The following DOCK1 variants were observed in gnomAD, a reference collection of about 807,000 sequenced individuals.
DOCK1 encodes dedicator of cytokinesis 1, also known as dedicator of cytokinesis protein 1.
Under a neutral mutation model 262.7 loss-of-function variants are expected in DOCK1, and 138 were observed. The ratio of observed to expected loss-of-function variants is 0.53; its 90% CI spans 0.46 to 0.61. DOCK1 has a LOEUF of 0.61. Ranked by LOEUF, DOCK1 falls within the 20% of genes least tolerant of loss-of-function variation. DOCK1 has a pLI of 0.00. For synonymous variants in DOCK1, 866 were observed against 867.4 expected (o/e 1.00, Z 0.03); for missense variants, 1,908 against 2,370.7 (o/e 0.80, Z 4.05).
intron 29 of DOCK1, among the ~76,000 whole-genome samples, chr10:127,299,209 G>C (rs940587716): frequency 6.6e-6 from 1 of 152,056 alleles, no homozygotes; most frequent in African/African-American, 2.4e-5. Context: ...AGTGATTCTC[G>C]TGCCTCAGCC....
chr10:127,079,728 C>G (rs12254152), intron 23 of DOCK1, among the ~76,000 whole-genome samples: 1 of 152,120 alleles, frequency 6.6e-6, no homozygotes, highest in Non-Finnish European at 1.5e-5. Context: ...GTCAGGAGTT[C>G]GAGATCAGCC....
rs77240157 is a variant in DOCK1, at chr10:127,349,238, G to A, written c.3225-5431G>A. Among the ~76,000 whole-genome samples the A allele has an allele frequency of 7.7e-3, 1,175 of 151,912 alleles. 22 individuals carry two copies. The highest frequency in any genetic ancestry group is 0.026 in the African/African-American group (1,078 of 41,386). On this transcript the variant is annotated intron_variant, in intron 31 of 51. Transcript: ENST00000623213. Reference sequence around the variant, plus strand: ...CCACCCACTCCGATGCTGGCTCTGGGCACTGCATTGCCCCAGAACCTCAGC... The same window carrying A: ...CCACCCACTCCGATGCTGGCTCTGGACACTGCATTGCCCCAGAACCTCAGC...
intron 32 of DOCK1, among the ~76,000 whole-genome samples, chr10:127,361,625 CAA>C (rs1184933226): frequency 2.0e-5 from 3 of 152,126 alleles, no homozygotes; most frequent in Non-Finnish European, 4.4e-5. Context: ...AAAGAGGACT[CAA>C]GAGACTATCT....
At chr10:127,293,516 C>T (rs564576610) in intron 29 of DOCK1, among the ~76,000 whole-genome samples, 19 of 152,294 alleles carry the variant, frequency 1.2e-4, no homozygotes, top group Non-Finnish European at 1.8e-4. Flanking sequence ...CCCTTCCCAG[C>T]GAGCACTGTG....
At chr10:127,122,648 ATCT>A (rs892623756) in intron 25 of DOCK1, among the ~76,000 whole-genome samples, 16 of 140,536 alleles carry the variant, frequency 1.1e-4, no homozygotes, top group Non-Finnish European at 4.7e-5. Context: ...TTTTTTTTAC[ATCT>A]TCTTGGGGGC....
At chr10:127,156,986 T>G (rs556979783) in intron 27 of DOCK1, among the ~76,000 whole-genome samples, 1 of 152,202 alleles carries the variant, frequency 6.6e-6, no homozygotes, top group Non-Finnish European at 1.5e-5. Context: ...ATACTAAGTG[T>G]GAAACATTTT....
At position 127,175,834 on chromosome 10, in the gene DOCK1, A is replaced by G; in HGVS notation, c.2847+48070A>G. 4 of 1,614,024 alleles carry G rather than the reference A, an allele frequency of 2.5e-6. No individual in the cohort carries two copies. Among genetic ancestry groups the G allele is most frequent in the Non-Finnish European group, 3.4e-6 (4 of 1,179,984 alleles). ...CAGGGCTCTGTGCAGTTGACCCCCA[A>G]AGGCTGGTCCACTGTGTTCATGTGT... is the stretch of plus-strand genomic sequence containing the variant. On this transcript the variant is annotated intron_variant, in intron 27 of 51. Coordinates refer to ENST00000623213, the MANE Select transcript of DOCK1 (RefSeq NM_001290223.2). This position sits in a 1 kb window ranked among gnomAD's most constrained non-coding sequence, Gnocchi z 6.3.
chr10:127,297,029 C>T (rs1368421710), intron 29 of DOCK1, among the ~76,000 whole-genome samples: 4 of 152,044 alleles, frequency 2.6e-5, no homozygotes, highest in East Asian at 1.9e-4. Context: ...CAGCACAGAG[C>T]GTGGGGCAGC....
chr10:127,064,786 C>G (rs1016337227), intron 23 of DOCK1, among the ~76,000 whole-genome samples: 9 of 152,210 alleles, frequency 5.9e-5, no homozygotes, highest in African/African-American at 1.9e-4. Context: ...TTCTAAGTGT[C>G]CCGTTCAGTG....
intron 28 of DOCK1, among the ~76,000 whole-genome samples, chr10:127,249,817 G>C (rs1044462137): frequency 2.0e-5 from 3 of 152,186 alleles, no homozygotes; most frequent in Admixed American, 2.0e-4. Context: ...AATGGATCTA[G>C]ACCTTAAAGC....
intron 12 of DOCK1, chr10:127,016,071 G>T (rs4411215): frequency 6.6e-6 from 1 of 152,008 alleles, no homozygotes; most frequent in African/African-American, 2.4e-5. Context: ...GACTTCTCCC[G>T]TGAGAACTTC....
At chr10:127,423,298 C>G (rs1469202244) in intron 46 of DOCK1, among the ~76,000 whole-genome samples, 1 of 152,124 alleles carries the variant, frequency 6.6e-6, no homozygotes, top group Non-Finnish European at 1.5e-5. Flanking sequence ...GACTCATGTG[C>G]AGAGTTTTCA....
intron 25 of DOCK1, among the ~76,000 whole-genome samples, chr10:127,117,808 A>T (rs961422069): frequency 8.5e-5 from 13 of 152,126 alleles, no homozygotes; most frequent in Non-Finnish European, 1.9e-4. Flanking sequence ...TCTTTAGTAC[A>T]TGATTTCTTC....
chr10:126,989,472 G>T (rs2039645995), intron 5 of DOCK1, among the ~76,000 whole-genome samples: 1 of 152,072 alleles, frequency 6.6e-6, no homozygotes, highest in Non-Finnish European at 1.5e-5. Flanking sequence ...GACTACACCT[G>T]TGAGCCACCA....
At position 127,452,328 on chromosome 10, in the gene DOCK1, A is replaced by ACT. The variant is rs397789820; in HGVS notation, c.*901_*902insCT. The ACT allele has an allele frequency of 6.1e-5, 9 of 147,566 alleles. No individual in the cohort carries two copies. The highest frequency in any genetic ancestry group is 1.4e-4 in the Non-Finnish European group (9 of 66,322). The allele number at this position is 147,566 out of a possible 1,614,324, so 9.1% of individuals were successfully genotyped here. On this transcript the variant is annotated 3_prime_UTR_variant, in exon 52 of 52. Transcript: ENST00000623213. ...AAAACACACACACACACACACACAC[A>ACT]TTTTTTTTTTGAGAACTCCAAAGTC...
intron 28 of DOCK1, among the ~76,000 whole-genome samples, chr10:127,254,623 C>T (rs2059768474): frequency 6.6e-6 from 1 of 152,210 alleles, no homozygotes; most frequent in Non-Finnish European, 1.5e-5. Context: ...GTCAGATAAT[C>T]TTTGGATAAA....
chr10:126,946,313 G>A (rs953417024), intron 1 of DOCK1, among the ~76,000 whole-genome samples: 1 of 152,072 alleles, frequency 6.6e-6, no homozygotes, highest in South Asian at 2.1e-4. Context: ...TTGGGAGGCC[G>A]AGGTGGGTGG....
At chr10:127,171,612 G>T (rs988747495) in intron 27 of DOCK1, among the ~76,000 whole-genome samples, 1 of 152,180 alleles carries the variant, frequency 6.6e-6, no homozygotes, top group Admixed American at 6.5e-5. Flanking sequence ...GGTGGCAAGT[G>T]GGGAGAGGAA....
chr10:127,262,843 T>TC (rs1428090947), intron 29 of DOCK1, among the ~76,000 whole-genome samples: 1 of 152,124 alleles, frequency 6.6e-6, no homozygotes, highest in Non-Finnish European at 1.5e-5. Context: ...CTTCATACCC[T>TC]CAGCAGCCCT....
Sources: gnomAD v4.1 joint callset for allele counts (sites outside exome capture counted in the v4.1 genomes callset) on GRCh38, gnomAD v4.1.1 for gene constraint, Gnocchi (gnomAD v3.1) non-coding constraint, MANE v1.5 for transcripts, NCBI Gene and HGNC (gene_info 2026-07-23, HGNC 2026-07-21) for gene names.